SRCAP: variants seen among roughly 807,000 people sequenced by gnomAD.
SRCAP encodes chromatin remodeling protein SRCAP.
SRCAP carries 46 observed loss-of-function variants against 263.1 expected under a neutral mutation model. The observed-to-expected ratio is 0.17, with a 90% confidence interval of 0.14 to 0.22. The LOEUF (loss-of-function observed/expected upper bound fraction) is 0.22. SRCAP is among the 10% of genes least tolerant of loss of function. The probability of loss-of-function intolerance (pLI) is 1.00; values close to 1 mark genes in which losing one functional copy is unlikely to be tolerated. For synonymous variants in SRCAP, 1,813 were observed against 1,662.1 expected (o/e 1.09, Z -2.21); for missense variants, 3,695 against 4,181.9 (o/e 0.88, Z 3.21).
intron 3 of SRCAP, among the ~76,000 whole-genome samples, chr16:30,702,585 C>G (rs572476200): frequency 1.6e-4 from 20 of 127,128 alleles, no homozygotes; most frequent in Non-Finnish European, 3.2e-4. Context: ...CTCCCTCCCT[C>G]CCTTCCCTGC....
chr16:30,737,361 C>G lies in SRCAP; in HGVS notation c.7321C>G (p.Pro2441Ala). 6.2e-7 allele frequency: 1 copy of G among 1,614,002 alleles called. No homozygotes were observed. The highest frequency in any genetic ancestry group is 8.5e-7 in the Non-Finnish European group (1 of 1,179,970). The part of the protein sequence containing the change: ...PARERVPRPA[P>A]RPRPTPASAP... The stretch of plus-strand genomic sequence containing the variant: ...CAGGGAGCGAGTTCCCAGGCCAGCA[C>G]CTAGGCCTCGACCCACTCCAGCTTC... Residue 2441 changes from proline to alanine, a missense_variant, in exon 34 of 34, where the codon CCT becomes GCT. Transcript: ENST00000262518.
At position 30,710,111 on chromosome 16, in the gene SRCAP, C is replaced by T. The variant is rs1323936676; in HGVS notation, c.1117C>T (p.Pro373Ser). ...DGPEEGAEEE[P>S]PQVLEIKPPP... ...GCCTGAAGAAGGTGCTGAAGAAGAG[C>T]CCCCTCAGGTGTTGGAGGTATAGGC... is the stretch of plus-strand genomic sequence containing the variant. Residue 373 changes from proline to serine, a missense_variant, in exon 8 of 34, where the codon CCC (proline) becomes TCC (serine). Pro to Ser is a moderately conservative substitution (Grantham distance 74). Coordinates refer to ENST00000262518, the MANE Select transcript of SRCAP (RefSeq NM_006662.3). 1 of 1,613,746 alleles carries T rather than the reference C, an allele frequency of 6.2e-7. No homozygotes were observed. The highest frequency in any genetic ancestry group is 2.2e-5 in the East Asian group (1 of 44,870).
intron 16 of SRCAP, among the ~76,000 whole-genome samples, 159 bp downstream of exon 16, chr16:30,713,870 TTGAG>T (rs1479521273): frequency 6.6e-6 from 1 of 151,656 alleles, no homozygotes; most frequent in Non-Finnish European, 1.5e-5. Flanking sequence ...CATTGCCAGA[TTGAG>T]TGACCTCATC....
chr16:30,703,104 T>G (rs2052786568), intron 3 of SRCAP, among the ~76,000 whole-genome samples: 1 of 151,610 alleles, frequency 6.6e-6, no homozygotes, highest in Non-Finnish European at 1.5e-5. Flanking sequence ...TTTATGTGCA[T>G]GAAATCACTG....
chr16:30,716,319 A>G lies in SRCAP; in HGVS notation c.2657A>G (p.His886Arg). The G allele has an allele frequency of 6.2e-7, 1 of 1,614,128 alleles. No individual in the cohort carries two copies. Among genetic ancestry groups the G allele is most frequent in the Non-Finnish European group, 8.5e-7 (1 of 1,180,022 alleles). The change falls in exon 18 of 34, where the codon CAT becomes CGT. Residue 886 changes from histidine (H) to arginine (R), a missense_variant. Physicochemically the swap from His to Arg is conservative, Grantham distance 29 (BLOSUM62 0). Transcript: ENST00000262518. ...ACTAAGGAGACACTAGCCACAGGCCATTTCATGAGCGTCATCAACATTTTG... is the reference window on the plus strand; with the variant it reads ...ACTAAGGAGACACTAGCCACAGGCCGTTTCATGAGCGTCATCAACATTTTG... ...TTTKETLATG[H>R]FMSVINILMQ...
In SRCAP at chr16:30,733,888, C is replaced by A; in HGVS notation, c.6495-6C>A. On this transcript the variant is annotated splice_polypyrimidine_tract_variant and splice_region_variant and intron_variant, in intron 29 of 33. Coordinates refer to ENST00000262518, the MANE Select transcript of SRCAP (RefSeq NM_006662.3). This position sits in a 1 kb window ranked among gnomAD's most constrained non-coding sequence, Gnocchi z 5.3. ...CTGCTTACACACGGCCTTCATCACC[C>A]CCTAGGCTTATCAGTGAACGGACAG... 3.7e-6 allele frequency: 6 copies of A among 1,613,898 alleles called. No homozygotes were observed.
rs1372778022 is a variant in SRCAP, at chr16:30,715,533, C to G, written c.2494-533C>G. On this transcript the variant is annotated intron_variant, in intron 16 of 33. Transcript: ENST00000262518. ...TGAGCCAGGATTGCGCCACTGCACT[C>G]CAGCCTGGGTGACAGAGCGCAACTT... Among the ~76,000 whole-genome samples, 3 of 151,280 alleles carry G rather than the reference C, an allele frequency of 2.0e-5. No individual in the cohort carries two copies. The South Asian group carries it at 6.3e-4, about 32-fold the overall frequency.
chr16:30,739,719 A>G lies in SRCAP; in HGVS notation c.9679A>G (p.Lys3227Glu), dbSNP rs1415033039. 6.7e-7 allele frequency: 1 copy of G among 1,490,432 alleles called. No homozygotes were observed. Among genetic ancestry groups the G allele is most frequent in the Non-Finnish European group, 8.9e-7 (1 of 1,120,600 alleles). The allele number at this position is 1,490,432 out of a possible 1,614,324, so 92.3% of individuals were successfully genotyped here. ...CCCTGCTGTTAGTCACAGAGGCCGC[A>G]AGGCCAAGACGTGAGTGGGCTGCCC... ...AGPAVSHRGR[K>E]AKT Residue 3227 changes from lysine (K) to glutamate (E), a missense_variant, in exon 34 of 34, where the codon AAG (lysine) becomes GAG (glutamate). By Grantham distance (56) the Lys-to-Glu change is moderately conservative. Transcript: ENST00000262518.
chr16:30,732,802 C>T (rs1042917066), intron 27 of SRCAP, among the ~76,000 whole-genome samples: 3 of 152,180 alleles, frequency 2.0e-5, no homozygotes, highest in African/African-American at 4.8e-5. Context: ...AGAGGTGAAG[C>T]CCTTAAAGGA....
chr16:30,724,120 G>C lies in SRCAP; in HGVS notation c.4696G>C (p.Ala1566Pro). 6.2e-7 allele frequency: 1 copy of C among 1,613,820 alleles called. No individual in the cohort carries two copies. The highest frequency in any genetic ancestry group is 1.1e-5 in the South Asian group (1 of 91,082). Residue 1566 changes from alanine to proline, a missense_variant, in exon 25 of 34, where the codon GCT (alanine) becomes CCT (proline). Transcript: ENST00000262518. ...TCCTTTTCCGTCAGCACCAAATCCA[G>C]CTCCAGCTCAGGCTTCCCTTCTGGC... is the stretch of plus-strand genomic sequence containing the variant. ...ASPFPSAPNP[A>P]PAQASLLAPA...
chr16:30,715,054 C>T (rs900055305), intron 16 of SRCAP, among the ~76,000 whole-genome samples: 4 of 152,152 alleles, frequency 2.6e-5, no homozygotes, highest in Non-Finnish European at 4.4e-5. Context: ...ATTCCTAAGG[C>T]TTTGACTATT....
At position 30,724,758 on chromosome 16, in the gene SRCAP, A is replaced by T; in HGVS notation, c.5334A>T (p.Ser1778=). The T allele has an allele frequency of 1.2e-6, 2 of 1,613,110 alleles. No individual in the cohort carries two copies. Among genetic ancestry groups the T allele is most frequent in the Middle Eastern group, 1.7e-4 (1 of 6,058 alleles). Residue 1778 remains serine (S), a synonymous_variant, in exon 25 of 34, where the codon TCA becomes TCT. Coordinates refer to ENST00000262518, the MANE Select transcript of SRCAP (RefSeq NM_006662.3). ...LTLAPASSSA[S]LLAPASVQTL... ...TGGCTCCAGCATCGTCATCTGCTTC[A>T]CTCCTGGCCCCAGCTTCAGTGCAGA...
chr16:30,729,987 C>T (rs1466228707), intron 27 of SRCAP, among the ~76,000 whole-genome samples: 1 of 152,072 alleles, frequency 6.6e-6, no homozygotes, highest in African/African-American at 2.4e-5. Context: ...AGGTTGGTCT[C>T]GAACTACTGA....
chr16:30,700,404 G>A (rs536576423), intron 2 of SRCAP, among the ~76,000 whole-genome samples: 1 of 152,322 alleles, frequency 6.6e-6, no homozygotes, highest in South Asian at 2.1e-4. Context: ...GTTATGCTGT[G>A]AAAAGCACTT....
At chr16:30,727,508 C>G (rs988831293) in intron 25 of SRCAP, among the ~76,000 whole-genome samples, 18 of 151,972 alleles carry the variant, frequency 1.2e-4, no homozygotes, top group Admixed American at 9.8e-4. Context: ...CATCTCAGCC[C>G]TCCAAGTAGC....
rs767510429 is a variant in SRCAP at position 30,733,344 on chromosome 16, C to G, written c.6192C>G (p.Ile2064Met). Reference sequence around the variant, plus strand: ...AGGCAGAGGGCCACCGAGTGCTCATCTTCACCCAGATGACCCGAATGCTGG... The same window carrying G: ...AGGCAGAGGGCCACCGAGTGCTCATGTTCACCCAGATGACCCGAATGCTGG... ...QLKAEGHRVL[I>M]FTQMTRMLDV... The change falls in exon 28 of 34, where the codon ATC becomes ATG. Residue 2064 changes from isoleucine (I) to methionine (M), a missense_variant. Transcript: ENST00000262518. The surrounding 1 kb of genome is among the most constrained non-coding windows in gnomAD (Gnocchi z 5.3). 6.2e-6 allele frequency: 10 copies of G among 1,614,182 alleles called. No homozygotes were observed. The highest frequency in any genetic ancestry group is 8.5e-6 in the Non-Finnish European group (10 of 1,180,032).
chr16:30,735,094 T>C (rs1409306685), intron 31 of SRCAP, among the ~76,000 whole-genome samples: 1 of 152,122 alleles, frequency 6.6e-6, no homozygotes, highest in South Asian at 2.1e-4. Flanking sequence ...GATTTTATTA[T>C]GTGTAAGTAT....
intron 15 of SRCAP, 69 bp downstream of exon 15, chr16:30,713,446 A>G: frequency 6.2e-7 from 1 of 1,610,156 alleles, no homozygotes; most frequent in East Asian, 2.2e-5. Context: ...TGGGTTGAGG[A>G]ATGTATCAGA....
At chr16:30,728,055 G>A (rs1057007903) in intron 25 of SRCAP, among the ~76,000 whole-genome samples, 12 of 152,142 alleles carry the variant, frequency 7.9e-5, no homozygotes, top group African/African-American at 2.9e-4. Context: ...TGGTTTTTCC[G>A]TCTGCTAGGA....
Sources: allele counts gnomAD v4.1 joint callset (sites outside exome capture counted in the v4.1 genomes callset), GRCh38; gene constraint gnomAD v4.1.1; non-coding constraint Gnocchi (gnomAD v3.1); transcripts MANE v1.5; gene names NCBI Gene and HGNC (gene_info 2026-07-23, HGNC 2026-07-21).